EXT2: variants seen among roughly 807,000 people sequenced by gnomAD.
EXT2 encodes the protein exostosin-2.
In EXT2, 53 loss-of-function variants were observed where a neutral mutation model predicts 81.6. The observed-to-expected ratio is 0.65, with a 90% CI of 0.52 to 0.82. EXT2 has a LOEUF of 0.82. EXT2 is among the 40% of genes least tolerant of loss of function. EXT2 has a pLI of 0.00. For missense variants in EXT2, 774 were observed against 910.2 expected (o/e 0.85, Z 1.93); for synonymous variants, 320 against 340.0 (o/e 0.94, Z 0.65).
chr11:44,239,554 G>A (rs768776299), intron 13 of EXT2, among the ~76,000 whole-genome samples: 12 of 151,590 alleles, frequency 7.9e-5, no homozygotes, highest in African/African-American at 2.2e-4. Flanking sequence ...CACCGTGCCC[G>A]GCTAATTTTT....
At chr11:44,170,283 T>C (rs1955052698) in intron 7 of EXT2, among the ~76,000 whole-genome samples, 1 of 152,150 alleles carries the variant, frequency 6.6e-6, no homozygotes, top group Non-Finnish European at 1.5e-5. Flanking sequence ...GCCTAAATGA[T>C]GATGAAAATG....
At chr11:44,157,858 T>A (rs144743129) in intron 7 of EXT2, among the ~76,000 whole-genome samples, 14 of 152,294 alleles carry the variant, frequency 9.2e-5, no homozygotes, top group African/African-American at 3.1e-4. Flanking sequence ...CAGCCATAAG[T>A]CTTACCCAGG....
intron 8 of EXT2, among the ~76,000 whole-genome samples, chr11:44,183,366 A>G (rs1050450073): frequency 1.3e-5 from 2 of 152,218 alleles, no homozygotes; most frequent in Non-Finnish European, 2.9e-5. Flanking sequence ...AGTGGTTGCC[A>G]AATAGTGATT....
rs1406426206 is a variant in EXT2, at chr11:44,244,680, G to C, written c.*393G>C. On this transcript the variant is annotated 3_prime_UTR_variant, in exon 14 of 14. Transcript: ENST00000533608. The stretch of plus-strand genomic sequence containing the variant: ...CGTGTTAGCCCATTTGAGGTCTGGG[G>C]AATCATGTAAAGGGTACCCAGACCT... The C allele has an allele frequency of 2.9e-6, 1 of 339,248 alleles. No individual in the cohort carries two copies. The highest frequency in any genetic ancestry group is 5.5e-6 in the Non-Finnish European group (1 of 180,602). The allele number at this position is 339,248 out of a possible 1,614,324, so 21.0% of individuals were successfully genotyped here.
intron 13 of EXT2, among the ~76,000 whole-genome samples, chr11:44,240,443 C>T (rs1956023645): frequency 6.6e-6 from 1 of 152,154 alleles, no homozygotes; most frequent in South Asian, 2.1e-4. Flanking sequence ...CTAGTCTCAG[C>T]TACTTGGGAA....
rs1450026551 is a variant in EXT2 at position 44,251,848 on chromosome 11, A to G, written c.*7561A>G. Among the ~76,000 whole-genome samples, 1 of 152,226 alleles carries G rather than the reference A, an allele frequency of 6.6e-6. No individual in the cohort carries two copies. The highest frequency in any genetic ancestry group is 1.5e-5 in the Non-Finnish European group (1 of 68,044). ...ACTGTTCTTGGTGTGAGGATATGGC[A>G]CTGAACAAAACAATGTACCTACTTT... On this transcript the variant is annotated 3_prime_UTR_variant, in exon 14 of 14. Transcript: ENST00000533608.
rs7113052 is a variant in EXT2, at chr11:44,218,423, C to T, written c.1662+11464C>T. Among the ~76,000 whole-genome samples the T allele has an allele frequency of 7.9e-3, 1,202 of 152,136 alleles. 15 individuals are homozygous for T. The highest frequency in any genetic ancestry group is 0.027 in the African/African-American group (1,111 of 41,470). ...GCTGCTTAGGGTAATAGAGGGCCAG[C>T]GGAGGTGCAGGCTGAGAGGTCAACT... On this transcript the variant is annotated intron_variant, in intron 10 of 13. Transcript: ENST00000533608.
At chr11:44,196,967 TG>T (rs1459570896) in intron 8 of EXT2, among the ~76,000 whole-genome samples, 1 of 152,216 alleles carries the variant, frequency 6.6e-6, no homozygotes, top group Non-Finnish European at 1.5e-5. Flanking sequence ...GCTTGTTGCC[TG>T]GAGGACTTCA....
Position 44,250,475 on chromosome 11 carries a change from C to A in EXT2, c.*6188C>A, listed in dbSNP as rs537015519. ...AACCAGATCGTTTACCAGATTGTACCTGGTGATGCTGGCAGCCAGCCCTCT... is the reference window on the plus strand; with the variant it reads ...AACCAGATCGTTTACCAGATTGTACATGGTGATGCTGGCAGCCAGCCCTCT... On this transcript the variant is annotated 3_prime_UTR_variant, in exon 14 of 14. Transcript: ENST00000533608. Among the ~76,000 whole-genome samples, 32 of 152,164 alleles carry A rather than the reference C, an allele frequency of 2.1e-4. No homozygotes were observed. Among genetic ancestry groups the A allele is most frequent in the Non-Finnish European group, 4.1e-4 (28 of 68,040 alleles).
chr11:44,185,681 C>T (rs919973514), intron 8 of EXT2, among the ~76,000 whole-genome samples: 4 of 152,274 alleles, frequency 2.6e-5, no homozygotes, highest in African/African-American at 7.2e-5. Flanking sequence ...CCTAACAGCT[C>T]AAACTATACA....
At chr11:44,125,096 G>C in intron 5 of EXT2, 112 bp downstream of exon 5, 1 of 1,004,380 alleles carries the variant, frequency 1.0e-6, no homozygotes, top group Non-Finnish European at 1.5e-6. Context: ...AATTACCCAA[G>C]GGGAAGAAAA....
In EXT2 at chr11:44,244,507, C is replaced by T; in HGVS notation, c.*220C>T. On this transcript the variant is annotated 3_prime_UTR_variant, in exon 14 of 14. Transcript: ENST00000533608. ...CCTCTGTTCTTGTATTTCTTATGATCTCTGATGGGTTCTTCTCGAAAATGC... is the reference window on the plus strand; with the variant it reads ...CCTCTGTTCTTGTATTTCTTATGATTTCTGATGGGTTCTTCTCGAAAATGC... The T allele has an allele frequency of 1.8e-6, 1 of 561,542 alleles. No homozygotes were observed. Among genetic ancestry groups the T allele is most frequent in the South Asian group, 2.1e-5 (1 of 48,772 alleles). The allele number at this position is 561,542 out of a possible 1,614,324, so 34.8% of individuals were successfully genotyped here.
At chr11:44,210,832 G>C (rs533696917) in intron 10 of EXT2, among the ~76,000 whole-genome samples, 41 of 152,140 alleles carry the variant, frequency 2.7e-4, no homozygotes, top group Non-Finnish European at 5.4e-4. Context: ...TAATTGGAAA[G>C]ATATACCATG....
chr11:44,095,952 C>T (rs373686902), intron 1 of EXT2, 100 bp downstream of exon 1: 22 of 416,668 alleles, frequency 5.3e-5, no homozygotes, highest in Non-Finnish European at 9.9e-5. Flanking sequence ...CGAGGGAGCG[C>T]GGCCGCGCGG....
chr11:44,207,093 G>T (rs1199308876), intron 10 of EXT2, 134 bp downstream of exon 10: 14 of 999,370 alleles, frequency 1.4e-5, no homozygotes, highest in East Asian at 2.5e-5. Context: ...AGTCCAAAAG[G>T]TGTGCGTAAG....
chr11:44,121,181 G>A (rs965630107), intron 4 of EXT2, among the ~76,000 whole-genome samples: 16 of 152,196 alleles, frequency 1.1e-4, no homozygotes, highest in Admixed American at 1.0e-3. Flanking sequence ...TAGTAAGGTA[G>A]CCTGGTGCTA....
intron 7 of EXT2, among the ~76,000 whole-genome samples, chr11:44,167,560 C>G (rs962629752): frequency 6.6e-6 from 1 of 152,082 alleles, no homozygotes; most frequent in African/African-American, 2.4e-5. Flanking sequence ...TGACTGTACT[C>G]TTACACCTGC....
At position 44,214,150 on chromosome 11, in the gene EXT2, G is replaced by C. The variant is rs533477990; in HGVS notation, c.1662+7191G>C. 1.1e-3 allele frequency among the ~76,000 whole-genome samples: 167 copies of C among 151,910 alleles called. 1 individual carries two copies. The highest frequency in any genetic ancestry group is 3.9e-3 in the African/African-American group (160 of 41,420). ...TTTTTTTTTGAGACGGAGTCTCTCTGTCGCCCAGGCTGTAGTGCAGTGGCG... is the reference window on the plus strand; with the variant it reads ...TTTTTTTTTGAGACGGAGTCTCTCTCTCGCCCAGGCTGTAGTGCAGTGGCG... On this transcript the variant is annotated intron_variant, in intron 10 of 13. Coordinates refer to ENST00000533608, the MANE Select transcript of EXT2 (RefSeq NM_207122.2).
intron 8 of EXT2, among the ~76,000 whole-genome samples, chr11:44,178,803 A>T (rs1955194647): frequency 7.0e-6 from 1 of 142,936 alleles, no homozygotes; most frequent in Non-Finnish European, 1.5e-5. Flanking sequence ...ATATGATTAA[A>T]AAAAAAAAAT....
Sources: gnomAD v4.1 joint callset for allele counts (sites outside exome capture counted in the v4.1 genomes callset) on GRCh38, gnomAD v4.1.1 for gene constraint, MANE v1.5 for transcripts, NCBI Gene and HGNC (gene_info 2026-07-23, HGNC 2026-07-21) for gene names.